TTBK1: variants seen among roughly 807,000 people sequenced by gnomAD.
TTBK1 encodes the protein tau-tubulin kinase 1.
TTBK1 carries 34 observed loss-of-function variants against 108.5 expected under a neutral mutation model. That is an observed-to-expected ratio of 0.31 (90% CI 0.24 to 0.42). The LOEUF (loss-of-function observed/expected upper bound fraction) is 0.42, where lower values mean the gene tolerates loss of function less well. Ranked by LOEUF, TTBK1 falls within the 10% of genes least tolerant of loss-of-function variation. The pLI is 1.00. For missense variants in TTBK1, 1,539 were observed against 1,826.0 expected, an observed-to-expected ratio of 0.84 and a Z score of 2.86; for synonymous variants, 809 against 795.1, an observed-to-expected ratio of 1.02 and a Z score of -0.29.
At position 43,253,429 on chromosome 6, in the gene TTBK1, G is replaced by A; in HGVS notation, c.330+65G>A. ...GCTTGGGCTGTGACTCCAGGGTAGG[G>A]GAAGGGAAGGTAGACTGTGGCCCTG... is the stretch of plus-strand genomic sequence containing the variant. On this transcript the variant is annotated intron_variant, in intron 4 of 14. Transcript: ENST00000259750. This position sits in a 1 kb window ranked among gnomAD's most constrained non-coding sequence, Gnocchi z 5.8. 2 of 1,606,620 alleles carry A rather than the reference G, an allele frequency of 1.2e-6. No individual in the cohort carries two copies. The highest frequency in any genetic ancestry group is 2.2e-5 in the South Asian group (2 of 90,670).
chr6:43,267,445 G>A (rs959979305), intron 13 of TTBK1, among the ~76,000 whole-genome samples: 8 of 152,154 alleles, frequency 5.3e-5, no homozygotes, highest in Admixed American at 2.6e-4. Context: ...TTTTGGAGGC[G>A]CCCTCTCTAG....
chr6:43,268,460 T>G (rs1267199884), intron 13 of TTBK1, among the ~76,000 whole-genome samples: 1 of 152,218 alleles, frequency 6.6e-6, no homozygotes, highest in Non-Finnish European at 1.5e-5. Flanking sequence ...AAGTCCCTTG[T>G]GCCCCCATGT....
chr6:43,282,723 G>A lies in TTBK1; in HGVS notation c.1987-4G>A, dbSNP rs762294718. On this transcript the variant is annotated splice_polypyrimidine_tract_variant and splice_region_variant and intron_variant, in intron 13 of 14. Transcript: ENST00000259750. The surrounding 1 kb of genome is among the most constrained non-coding windows in gnomAD (Gnocchi z 5.4). ...CAGAGGGTCCCTGTGTATGCCCCTT[G>A]CAGGTGTTCTCCGTGGCGCCCCCAT... 6.3e-7 allele frequency: 1 copy of A among 1,596,494 alleles called. No individual in the cohort carries two copies.
rs1403029120 is a variant in TTBK1, at chr6:43,285,537, C to T, written c.*161C>T. ...CCGCGAGGACGCGCGCGAGCACACG[C>T]GGCGCCCCGCCAGGCCTTAGGGCCC... On this transcript the variant is annotated 3_prime_UTR_variant, in exon 15 of 15. Transcript: ENST00000259750. This position sits in a 1 kb window ranked among gnomAD's most constrained non-coding sequence, Gnocchi z 4.7. The T allele has an allele frequency of 6.1e-6, 6 of 990,502 alleles. No individual in the cohort carries two copies. Among genetic ancestry groups the T allele is most frequent in the East Asian group, 7.1e-5 (2 of 28,360 alleles). 61.4% of individuals were successfully genotyped at this position (990,502 alleles called of 1,614,324 possible).
intron 6 of TTBK1, 93 bp from the exon 7 acceptor site, chr6:43,254,956 G>A (rs961047961): frequency 1.0e-5 from 13 of 1,279,634 alleles, no homozygotes; most frequent in African/African-American, 8.8e-5. Context: ...AGGGGAGGTG[G>A]TCAGGGTGAA....
In TTBK1 at chr6:43,285,379, A is replaced by G; in HGVS notation, c.*3A>G. 1 of 1,272,616 alleles carries G rather than the reference A, an allele frequency of 7.9e-7. No homozygotes were observed. Among genetic ancestry groups the G allele is most frequent in the East Asian group, 3.1e-5 (1 of 31,788 alleles). 78.8% of individuals were successfully genotyped at this position (1,272,616 alleles called of 1,614,324 possible). A position where few individuals can be genotyped will look rare whatever the true frequency, so the allele number is the denominator to read the frequency against. ...AGGGCCGGGCTGGGGCCAGATAATG[A>G]CGCCCGCTGCTCTCCGCGGTCCCCC... On this transcript the variant is annotated 3_prime_UTR_variant, in exon 15 of 15. Transcript: ENST00000259750. This position sits in a 1 kb window ranked among gnomAD's most constrained non-coding sequence, Gnocchi z 4.7.
In TTBK1 at chr6:43,257,984, G is replaced by A. The variant is rs145768068; in HGVS notation, c.1016+18G>A. 8.8e-3 allele frequency: 14,171 copies of A among 1,607,396 alleles called. 83 individuals carry two copies. Among genetic ancestry groups the A allele is most frequent in the Admixed American group, 0.01 (620 of 59,814 alleles). ...ATGTTTGGGTGAGTCTCAGGAAGGC[G>A]AGCCACCAGCCCCTGCCTGGAGCTG... On this transcript the variant is annotated intron_variant, in intron 10 of 14. Transcript: ENST00000259750. This position sits in a 1 kb window ranked among gnomAD's most constrained non-coding sequence, Gnocchi z 4.5.
At position 43,253,816 on chromosome 6, in the gene TTBK1, A is replaced by C. The variant is rs1777313715; in HGVS notation, c.471+108A>C. 3.6e-6 allele frequency: 5 copies of C among 1,396,930 alleles called. No homozygotes were observed. The highest frequency in any genetic ancestry group is 4.8e-6 in the Non-Finnish European group (5 of 1,046,336). The allele number at this position is 1,396,930 out of a possible 1,614,324, so 86.5% of individuals were successfully genotyped here. A position where few individuals can be genotyped will look rare whatever the true frequency, so the allele number is the denominator to read the frequency against. On this transcript the variant is annotated intron_variant, in intron 5 of 14. Coordinates refer to ENST00000259750, the MANE Select transcript of TTBK1 (RefSeq NM_032538.3). This position sits in a 1 kb window ranked among gnomAD's most constrained non-coding sequence, Gnocchi z 5.8. ...TCTGCAACCATGGTTGGGACTTGTGATGGGACAGCCTCTTCTCCCCAAGCC... is the reference window on the plus strand; with the variant it reads ...TCTGCAACCATGGTTGGGACTTGTGCTGGGACAGCCTCTTCTCCCCAAGCC...
At chr6:43,261,866 T>C (rs1777549620) in intron 12 of TTBK1, among the ~76,000 whole-genome samples, 1 of 148,496 alleles carries the variant, frequency 6.7e-6, no homozygotes, top group Non-Finnish European at 1.5e-5. Context: ...GCAGGATCAA[T>C]GCCCTTGGGG....
chr6:43,283,008 GGAAGAGGAGGAGGAA>G lies in TTBK1; in HGVS notation c.2283_2297del (p.Glu767_Glu771del), dbSNP rs1449261671. On this transcript the variant is annotated inframe_deletion, in exon 14 of 15. Transcript: ENST00000259750. The surrounding 1 kb of genome is among the most constrained non-coding windows in gnomAD (Gnocchi z 8.1). ...ATGAGGAAGAAGAAGAGGAGGAAGAGGAAGAGGAGGAGGAAGAAGAGGAGGAGGAGGAAGAGGAGG... is the reference window on the plus strand; with the variant it reads ...ATGAGGAAGAAGAAGAGGAGGAAGAGGAAGAGGAGGAGGAGGAAGAGGAGG... The G allele has an allele frequency of 9.4e-6, 15 of 1,596,368 alleles. No homozygotes were observed. The highest frequency in any genetic ancestry group is 1.7e-5 in the Admixed American group (1 of 57,220).
chr6:43,252,660 G>A (rs1479841109), intron 2 of TTBK1, 79 bp from the exon 3 acceptor site: 4 of 1,525,798 alleles, frequency 2.6e-6, no homozygotes, highest in East Asian at 2.3e-5. Flanking sequence ...CACCAATGAA[G>A]GATGCAACCA....
rs745884172 is a variant in TTBK1 at position 43,254,536 on chromosome 6, G to C, written c.472-11G>C. On this transcript the variant is annotated splice_polypyrimidine_tract_variant and intron_variant, in intron 5 of 14. Coordinates refer to ENST00000259750, the MANE Select transcript of TTBK1 (RefSeq NM_032538.3). ...GGGGCCCCCAGAGCTCACAGCTGCT[G>C]TCTCCCCCAGTCAAACTTTGCCATG... 2.1e-5 allele frequency: 33 copies of C among 1,564,200 alleles called. No homozygotes were observed. Among genetic ancestry groups the C allele is most frequent in the Non-Finnish European group, 2.6e-5 (30 of 1,158,482 alleles).
chr6:43,282,925 G>T lies in TTBK1; in HGVS notation c.2185G>T (p.Ala729Ser). The change falls in exon 14 of 15, where the codon GCT (alanine) becomes TCT (serine). Residue 729 changes from alanine to serine, a missense_variant. Ala to Ser is a moderately conservative substitution (Grantham distance 99, BLOSUM62 1). Around this residue, in one of 5 missense-constraint regions of TTBK1, gnomAD observed 1,055 missense variants for 1,086.5 expected, o/e 0.97. Coordinates refer to ENST00000259750, the MANE Select transcript of TTBK1 (RefSeq NM_032538.3). This position sits in a 1 kb window ranked among gnomAD's most constrained non-coding sequence, Gnocchi z 5.4. ...QVPLAPVQPQ[A>S]NGKEEEEEEE... ...CCCACTGGCTCCTGTTCAGCCTCAG[G>T]CTAATGGGAAGGAGGAAGAGGAGGA... The T allele has an allele frequency of 6.2e-7, 1 of 1,613,882 alleles. No homozygotes were observed. Among genetic ancestry groups the T allele is most frequent in the Non-Finnish European group, 8.5e-7 (1 of 1,179,942 alleles).
intron 13 of TTBK1, chr6:43,270,209 C>T (rs1188737128): frequency 4.6e-6 from 6 of 1,314,742 alleles, no homozygotes; most frequent in Non-Finnish European, 5.8e-6. Context: ...GCTGGTGGTA[C>T]AGTTTCCAGG....
intron 13 of TTBK1, among the ~76,000 whole-genome samples, chr6:43,275,647 T>C (rs1777961669): frequency 1.3e-5 from 2 of 151,290 alleles, no homozygotes; most frequent in Non-Finnish European, 2.9e-5. Context: ...AGCCCAGAGT[T>C]GAGGGGGAGC....
At chr6:43,251,737 C>T (rs1399122030) in intron 2 of TTBK1, among the ~76,000 whole-genome samples, 1 of 152,242 alleles carries the variant, frequency 6.6e-6, no homozygotes, top group East Asian at 1.9e-4. Flanking sequence ...GCTCCATTCC[C>T]TCCAGGCGCC....
chr6:43,246,519 A>T (rs1264257860), intron 1 of TTBK1, 88 bp from the exon 2 acceptor site: 1 of 585,496 alleles, frequency 1.7e-6, no homozygotes, highest in Non-Finnish European at 3.0e-6. Context: ...GGAAGAATGC[A>T]GAGCAGGAGT....
rs1054603417 is a variant in TTBK1, at chr6:43,282,342, G to A, written c.1987-385G>A. ...GGAAGGGCTGATCTGCGTGGTGGTC[G>A]TGGTTCCTTCCAGTTTTCATTTTCT... On this transcript the variant is annotated intron_variant, in intron 13 of 14. Transcript: ENST00000259750. The surrounding 1 kb of genome is among the most constrained non-coding windows in gnomAD (Gnocchi z 5.4). Among the ~76,000 whole-genome samples the A allele has an allele frequency of 1.2e-4, 19 of 152,240 alleles. No individual in the cohort carries two copies. The highest frequency in any genetic ancestry group is 3.4e-4 in the African/African-American group (14 of 41,458).
At chr6:43,281,749 A>G (rs1163198034) in intron 13 of TTBK1, among the ~76,000 whole-genome samples, 1 of 152,228 alleles carries the variant, frequency 6.6e-6, no homozygotes, top group Non-Finnish European at 1.5e-5. Flanking sequence ...AAATGCTAGC[A>G]AAGTGCTGGA....
Sources: allele counts gnomAD v4.1 joint callset (sites outside exome capture counted in the v4.1 genomes callset), GRCh38; gene constraint gnomAD v4.1.1; regional missense constraint gnomAD v4.1.1; non-coding constraint Gnocchi (gnomAD v3.1); transcripts MANE v1.5; gene names NCBI Gene and HGNC (gene_info 2026-07-23, HGNC 2026-07-21).